Variants in DPH6 observed in about 807,000 individuals in gnomAD.
DPH6 encodes diphthamine biosynthesis 6.
DPH6 carries 33 observed loss-of-function variants against 38.2 expected under a neutral mutation model. The observed-to-expected ratio is 0.86, with a 90% CI of 0.65 to 1.15. DPH6 has a LOEUF of 1.15. Ranked by LOEUF, DPH6 falls within the 50% of genes most tolerant of loss-of-function variation. DPH6 has a pLI of 0.00. For synonymous variants in DPH6, 108 were observed against 103.0 expected, an observed-to-expected ratio of 1.05 and a Z score of -0.30; for missense variants, 325 against 320.0, an observed-to-expected ratio of 1.02 and a Z score of -0.12.
intron 3 of DPH6, among the ~76,000 whole-genome samples, chr15:35,227,716 G>A (rs1399610894): frequency 3.3e-5 from 5 of 151,150 alleles, no homozygotes; most frequent in Non-Finnish European, 3.0e-5. Flanking sequence ...ACATTGTTAG[G>A]ATGTTTATTT....
intron 3 of DPH6, among the ~76,000 whole-genome samples, chr15:35,260,135 G>C (rs1190823916): frequency 6.6e-6 from 1 of 152,122 alleles, no homozygotes; most frequent in East Asian, 1.9e-4. Context: ...TTGAGACAGA[G>C]TCTTGCTCTG....
At chr15:35,387,403 A>T (rs981245930) in intron 6 of DPH6, among the ~76,000 whole-genome samples, 3 of 152,088 alleles carry the variant, frequency 2.0e-5, no homozygotes, top group African/African-American at 7.2e-5. Flanking sequence ...CTTGATGGGG[A>T]TGGCATTGAA....
chr15:35,271,949 T>C lies in DPH6; in HGVS notation n.201-51367A>G, dbSNP rs542852968. Among the ~76,000 whole-genome samples the C allele has an allele frequency of 6.6e-5, 10 of 152,256 alleles. No individual in the cohort carries two copies. The South Asian group carries it at 2.1e-3, about 32-fold the overall frequency. On this transcript the variant is annotated intron_variant and non_coding_transcript_variant, in intron 3 of 3. Transcript: ENST00000560386. Reference sequence around the variant, plus strand: ...TATAAACTATGTAACCTCAGACAAGTTACTTACTTCATGTTTTCTTTGTTT... The same window carrying C: ...TATAAACTATGTAACCTCAGACAAGCTACTTACTTCATGTTTTCTTTGTTT...
intron 3 of DPH6, among the ~76,000 whole-genome samples, chr15:35,346,093 A>T (rs572809042): frequency 2.6e-5 from 4 of 152,182 alleles, no homozygotes; most frequent in African/African-American, 7.2e-5. Flanking sequence ...CTGTTCAACA[A>T]TACTGTAGAA....
At chr15:35,245,883 G>C (rs2051634738) in intron 3 of DPH6, among the ~76,000 whole-genome samples, 1 of 152,246 alleles carries the variant, frequency 6.6e-6, no homozygotes, top group South Asian at 2.1e-4. Context: ...TGTTGAGTCT[G>C]ACAGGTAAGT....
At chr15:35,373,300 A>T (rs559748744) in intron 8 of DPH6, among the ~76,000 whole-genome samples, 1 of 152,058 alleles carries the variant, frequency 6.6e-6, no homozygotes, top group Admixed American at 6.6e-5. Flanking sequence ...ACTGACCTGC[A>T]AACTTTTCAT....
At chr15:35,153,118 TG>T in the DPH6 span, among the ~76,000 whole-genome samples, 1 of 152,188 alleles carries the variant, frequency 6.6e-6, no homozygotes, top group South Asian at 2.1e-4. Context: ...TAAATTTCAG[TG>T]TTTAAAGATT....
At chr15:35,478,492 C>T (rs1421810628) in intron 3 of DPH6, among the ~76,000 whole-genome samples, 1 of 151,398 alleles carries the variant, frequency 6.6e-6, no homozygotes, top group Admixed American at 6.6e-5. Context: ...GAACTTAATA[C>T]TATCAACACT....
chr15:35,449,437 G>C (rs1194493347), intron 5 of DPH6, among the ~76,000 whole-genome samples: 2 of 152,046 alleles, frequency 1.3e-5, no homozygotes, highest in African/African-American at 4.8e-5. Context: ...TTTTCAATAA[G>C]GGAGGTCTCT....
intron 5 of DPH6, among the ~76,000 whole-genome samples, chr15:35,425,863 C>G (rs904000449): frequency 6.7e-6 from 1 of 148,744 alleles, no homozygotes; most frequent in Non-Finnish European, 1.5e-5. Flanking sequence ...ATCCATATAA[C>G]CAGCACCAAA....
At chr15:35,149,505 G>A in the DPH6 span, among the ~76,000 whole-genome samples, 21 of 152,282 alleles carry the variant, frequency 1.4e-4, no homozygotes, top group East Asian at 3.5e-3. Context: ...CCAAAGTGCT[G>A]GGATTACAGG....
chr15:35,332,620 AC>A (rs904034147), intron 3 of DPH6, among the ~76,000 whole-genome samples: 2 of 152,138 alleles, frequency 1.3e-5, no homozygotes, highest in African/African-American at 4.8e-5. Context: ...TCTGCAACTT[AC>A]CAGGTGTGCA....
intron 3 of DPH6, chr15:35,237,742 C>T (rs2051564632): frequency 6.2e-7 from 1 of 1,613,328 alleles, no homozygotes; most frequent in Non-Finnish European, 8.5e-7. Flanking sequence ...TCAAGCTCCT[C>T]CTGCAACTCA....
At chr15:35,406,148 C>T (rs17584616) in intron 6 of DPH6, among the ~76,000 whole-genome samples, 32,480 of 151,886 alleles carry the variant, frequency 0.21, 4,318 homozygotes, top group Admixed American at 0.28. Flanking sequence ...GAAAACCTTA[C>T]AGTAGTGAGC....
intron 3 of DPH6, among the ~76,000 whole-genome samples, chr15:35,516,267 A>G (rs2054845227): frequency 6.6e-6 from 1 of 152,234 alleles, no homozygotes; most frequent in African/African-American, 2.4e-5. Context: ...ATGACAGATA[A>G]CAATTATCTT....
rs982372496 is a variant in DPH6 at position 35,489,772 on chromosome 15, G to A, written c.313-34952C>T. The A allele has an allele frequency of 8.2e-5, 81 of 983,064 alleles. No individual in the cohort carries two copies. The Middle Eastern group carries it at 2.6e-3, about 32-fold the overall frequency. The allele number at this position is 983,064 out of a possible 1,614,324, so 60.9% of individuals were successfully genotyped here. On this transcript the variant is annotated intron_variant, in intron 3 of 8. Transcript: ENST00000256538. ...AACTATAAAGTATTTTGCCTTAGGA[G>A]GATAGAGAACAAAATTCTCTACCTT...
chr15:35,470,203 A>G (rs939866260), intron 3 of DPH6, among the ~76,000 whole-genome samples: 2 of 152,150 alleles, frequency 1.3e-5, no homozygotes, highest in Non-Finnish European at 2.9e-5. Context: ...TGTCTCAAAA[A>G]AGACTAAATA....
chr15:35,223,059 AC>A (rs1242606324), intron 3 of DPH6, among the ~76,000 whole-genome samples: 1 of 152,166 alleles, frequency 6.6e-6, no homozygotes, highest in Non-Finnish European at 1.5e-5. Context: ...ACTCTCTAGT[AC>A]CACTTTTCTT....
chr15:35,494,129 T>C (rs2054518488), intron 3 of DPH6, among the ~76,000 whole-genome samples: 2 of 152,166 alleles, frequency 1.3e-5, no homozygotes, highest in Admixed American at 1.3e-4. Flanking sequence ...TTTTAAGGGC[T>C]GTGTTAACAC....
Sources: gnomAD v4.1 joint callset for allele counts (sites outside exome capture counted in the v4.1 genomes callset) on GRCh38, gnomAD v4.1.1 for gene constraint, MANE v1.5 for transcripts, NCBI Gene and HGNC (gene_info 2026-07-23, HGNC 2026-07-21) for gene names.